The following ANKS1B variants were observed in gnomAD, a reference collection of about 807,000 sequenced individuals.
ANKS1B encodes ankyrin repeat and sterile alpha motif domain containing 1B.
Under a neutral mutation model 148.3 loss-of-function variants are expected in ANKS1B, and 36 were observed. The ratio of observed to expected loss-of-function variants is 0.24; its 90% CI spans 0.19 to 0.32. The LOEUF (loss-of-function observed/expected upper bound fraction) is 0.32, where lower values mean the gene tolerates loss of function less well. ANKS1B is among the 10% of genes least tolerant of loss of function. The pLI, the probability that ANKS1B is intolerant of heterozygous loss-of-function variation, is 1.00. For missense variants in ANKS1B, 1,157 were observed against 1,542.6 expected, an observed-to-expected ratio of 0.75 and a Z score of 4.19; for synonymous variants, 542 against 560.8, an observed-to-expected ratio of 0.97 and a Z score of 0.47.
intron 15 of ANKS1B, among the ~76,000 whole-genome samples, chr12:99,106,457 G>A (rs960782022): frequency 1.1e-4 from 16 of 152,192 alleles, no homozygotes; most frequent in East Asian, 3.9e-4. Context: ...TTTGAATTTC[G>A]TCTTGAAAGA....
At chr12:99,973,917 T>C (rs751050647) in intron 1 of ANKS1B, among the ~76,000 whole-genome samples, 10 of 152,146 alleles carry the variant, frequency 6.6e-5, no homozygotes, top group Non-Finnish European at 1.2e-4. Flanking sequence ...ATAACATAAA[T>C]AAAGCAGCAG....
chr12:99,236,257 T>G (rs575764118), intron 14 of ANKS1B, among the ~76,000 whole-genome samples: 1 of 152,274 alleles, frequency 6.6e-6, no homozygotes, highest in East Asian at 1.9e-4. Flanking sequence ...ACAGGGATAG[T>G]TTGACTTCCT....
At chr12:99,118,178 A>C (rs988094216) in intron 15 of ANKS1B, among the ~76,000 whole-genome samples, 2 of 152,230 alleles carry the variant, frequency 1.3e-5, no homozygotes, top group African/African-American at 2.4e-5. Context: ...AAAACGCTAA[A>C]TTCTAGAAAG....
chr12:99,133,702 A>C lies in ANKS1B; in HGVS notation c.2526+20587T>G, dbSNP rs577613235. ...AAGAAAAGCTAAGAAGTTGTGGCCC[A>C]ACTAGAGATGCCCATAAGCCTATTT... On this transcript the variant is annotated intron_variant, in intron 15 of 26. Coordinates refer to ENST00000683438, the MANE Select transcript of ANKS1B (RefSeq NM_001352186.2). Among the ~76,000 whole-genome samples the C allele has an allele frequency of 6.6e-5, 10 of 152,342 alleles. No individual in the cohort carries two copies. The East Asian group carries it at 1.9e-3, about 29-fold the overall frequency.
intron 15 of ANKS1B, among the ~76,000 whole-genome samples, chr12:99,102,896 C>T (rs2058302619): frequency 6.6e-6 from 1 of 151,860 alleles, no homozygotes; most frequent in Non-Finnish European, 1.5e-5. Context: ...ATCACTGCAC[C>T]CCAACCTAGG....
At chr12:98,962,544 C>T (rs2099873242) in intron 17 of ANKS1B, among the ~76,000 whole-genome samples, 1 of 152,012 alleles carries the variant, frequency 6.6e-6, no homozygotes, top group Non-Finnish European at 1.5e-5. Context: ...ATGATCCAGA[C>T]AGAAAATCAA....
At chr12:99,156,043 T>C (rs537983125) in intron 14 of ANKS1B, among the ~76,000 whole-genome samples, 2 of 152,276 alleles carry the variant, frequency 1.3e-5, no homozygotes, top group South Asian at 4.1e-4. Flanking sequence ...CTAATACAAA[T>C]TTATTGAATA....
rs190777779 is a variant in ANKS1B, at chr12:99,680,398, G to A, written c.1129-25188C>T. Among the ~76,000 whole-genome samples the A allele has an allele frequency of 2.6e-3, 393 of 151,976 alleles. 2 individuals carry two copies. Among genetic ancestry groups the A allele is most frequent in the Admixed American group, 0.013 (191 of 15,276 alleles). Reference sequence around the variant, plus strand: ...AGAGGTTGCAGTGAGCCACGATCACGCCACTGCACACCAGGCTGTCTGTTA... The same window carrying A: ...AGAGGTTGCAGTGAGCCACGATCACACCACTGCACACCAGGCTGTCTGTTA... On this transcript the variant is annotated intron_variant, in intron 8 of 26. Coordinates refer to ENST00000683438, the MANE Select transcript of ANKS1B (RefSeq NM_001352186.2).
chr12:99,876,739 A>T (rs2092098265), intron 1 of ANKS1B, among the ~76,000 whole-genome samples: 1 of 149,230 alleles, frequency 6.7e-6, no homozygotes, highest in Non-Finnish European at 1.5e-5. Context: ...CACAAAAAAA[A>T]AAAAAGAGAG....
intron 1 of ANKS1B, among the ~76,000 whole-genome samples, chr12:99,905,653 AT>A (rs1158094615): frequency 1.3e-5 from 2 of 152,218 alleles, no homozygotes; most frequent in African/African-American, 2.4e-5. Flanking sequence ...AGATCAAAGC[AT>A]TCGAGTGGTT....
chr12:99,178,603 T>C (rs866459020), intron 14 of ANKS1B, among the ~76,000 whole-genome samples: 11 of 152,340 alleles, frequency 7.2e-5, no homozygotes, highest in South Asian at 6.2e-4. Flanking sequence ...TTTATAACAA[T>C]GCAGGGAATG....
At chr12:99,191,523 G>A (rs900460647) in intron 14 of ANKS1B, among the ~76,000 whole-genome samples, 2 of 152,184 alleles carry the variant, frequency 1.3e-5, no homozygotes, top group Admixed American at 6.5e-5. Flanking sequence ...CCATAAAAAG[G>A]ATGAGTTCAT....
intron 15 of ANKS1B, among the ~76,000 whole-genome samples, chr12:99,105,431 T>A (rs7966393): frequency 1.3e-5 from 2 of 152,034 alleles, no homozygotes; most frequent in African/African-American, 4.8e-5. Flanking sequence ...TCAGAAAGTC[T>A]TAGGAGTTGT....
chr12:99,598,996 C>A (rs137868411), intron 9 of ANKS1B, among the ~76,000 whole-genome samples: 1 of 152,022 alleles, frequency 6.6e-6, no homozygotes, highest in African/African-American at 2.4e-5. Context: ...CTGGTGACTG[C>A]CAGCATCCCC....
chr12:99,235,296 T>A (rs1336386898), intron 14 of ANKS1B, among the ~76,000 whole-genome samples: 2 of 152,136 alleles, frequency 1.3e-5, no homozygotes, highest in South Asian at 2.1e-4. Flanking sequence ...TTTTAGAACA[T>A]TAATATCCAA....
At chr12:99,317,476 G>C (rs1252284081) in intron 12 of ANKS1B, among the ~76,000 whole-genome samples, 1 of 152,076 alleles carries the variant, frequency 6.6e-6, no homozygotes, top group African/African-American at 2.4e-5. Context: ...GTCTGTGATT[G>C]GTGTATAGGA....
chr12:99,394,599 A>G (rs1311436033), intron 12 of ANKS1B, among the ~76,000 whole-genome samples: 1 of 151,918 alleles, frequency 6.6e-6, no homozygotes, highest in Admixed American at 6.6e-5. Flanking sequence ...CTTATCAGCT[A>G]TATTTGACAG....
chr12:99,779,818 T>C, intron 6 of ANKS1B, 53 bp downstream of exon 6: 1 of 1,357,584 alleles, frequency 7.4e-7, no homozygotes, highest in Non-Finnish European at 1.1e-6. Flanking sequence ...TGTAACAGTT[T>C]TAATCTCATC....
chr12:98,979,276 ATTT>A (rs917463968), intron 17 of ANKS1B, among the ~76,000 whole-genome samples: 1 of 148,748 alleles, frequency 6.7e-6, no homozygotes, highest in East Asian at 2.0e-4. Context: ...TAATTAATTA[ATTT>A]TTTTTTGAGA....
Sources: gnomAD v4.1 joint callset for allele counts (sites outside exome capture counted in the v4.1 genomes callset) on GRCh38, gnomAD v4.1.1 for gene constraint, MANE v1.5 for transcripts, NCBI Gene and HGNC (gene_info 2026-07-23, HGNC 2026-07-21) for gene names.